Variants in NDUFAF6 observed in about 807,000 individuals in gnomAD.
NDUFAF6 encodes the protein NADH:ubiquinone oxidoreductase complex assembly factor 6, also known as NADH dehydrogenase (ubiquinone) complex I, assembly factor 6.
Under a neutral mutation model 40.8 loss-of-function variants are expected in NDUFAF6, and 45 were observed. That is an observed-to-expected ratio of 1.10 (90% CI 0.87 to 1.42). The LOEUF (loss-of-function observed/expected upper bound fraction) is 1.42. Among genes scored for constraint, NDUFAF6 ranks in the 40% most tolerant of loss-of-function variants. The pLI is 0.00. For missense variants in NDUFAF6, 435 were observed against 418.5 expected (o/e 1.04, Z -0.34); for synonymous variants, 185 against 155.9 (o/e 1.19, Z -1.39).
At chr8:95,007,413 C>T (rs1025200977) in intron 2 of NDUFAF6, among the ~76,000 whole-genome samples, 1 of 151,996 alleles carries the variant, frequency 6.6e-6, no homozygotes, top group African/African-American at 2.4e-5. Context: ...CCCATAATCC[C>T]AATACTTTGG....
At chr8:94,948,300 C>T (rs1455646642) in intron 2 of NDUFAF6, among the ~76,000 whole-genome samples, 2 of 152,092 alleles carry the variant, frequency 1.3e-5, no homozygotes, top group Non-Finnish European at 2.9e-5. Context: ...CTCGGGTTTC[C>T]TATGTGTAAG....
At chr8:94,993,537 G>T (rs1467724801) in intron 2 of NDUFAF6, among the ~76,000 whole-genome samples, 3 of 152,180 alleles carry the variant, frequency 2.0e-5, no homozygotes, top group African/African-American at 7.2e-5. Flanking sequence ...TTGGAACACT[G>T]CCCTGAGACC....
intron 7 of NDUFAF6, among the ~76,000 whole-genome samples, chr8:95,051,502 T>C (rs2678821): frequency 0.92 from 139,814 of 152,202 alleles, 64,374 homozygotes; most frequent in East Asian, 1. Context: ...GTAGAGGGCT[T>C]TTCCTGGTGT....
chr8:94,906,563 G>C lies in NDUFAF6; in HGVS notation c.-936+10636G>C, dbSNP rs533386396. Among the ~76,000 whole-genome samples the C allele has an allele frequency of 3.9e-5, 6 of 152,144 alleles. No individual in the cohort carries two copies. In the South Asian group the frequency reaches 6.2e-4, roughly 16 times the overall value. On this transcript the variant is annotated intron_variant, in intron 1 of 14. Coordinates refer to the NDUFAF6 transcript ENST00000396113. ...GCAGGGCCAAAGTCCTTCCCTCCAC[G>C]TGAGCTAGCCAAGAAGCCTGCCTCT...
chr8:94,973,336 T>C (rs1364387355), intron 1 of NDUFAF6, among the ~76,000 whole-genome samples: 1 of 151,818 alleles, frequency 6.6e-6, no homozygotes, highest in Non-Finnish European at 1.5e-5. Flanking sequence ...TAAAATAAAA[T>C]GAAAGAGACA....
chr8:95,084,012 G>T (rs1808961910), intron 2 of NDUFAF6, among the ~76,000 whole-genome samples: 1 of 152,102 alleles, frequency 6.6e-6, no homozygotes, highest in Non-Finnish European at 1.5e-5. Flanking sequence ...GAAAAAAAAT[G>T]TGTCACATTT....
chr8:95,045,472 G>T, intron 4 of NDUFAF6, 73 bp from the exon 5 acceptor site: 1 of 1,018,804 alleles, frequency 9.8e-7, no homozygotes, highest in Non-Finnish European at 1.6e-6. Context: ...GTTCTTTGGG[G>T]CAAAAAACAG....
Position 94,979,886 on chromosome 8 carries a change from G to A in NDUFAF6, c.-198-973G>A, listed in dbSNP as rs560652569. Among the ~76,000 whole-genome samples, 13 of 152,308 alleles carry A rather than the reference G, an allele frequency of 8.5e-5. 1 individual carries two copies. The highest frequency in any genetic ancestry group is 5.9e-4 in the Admixed American group (9 of 15,298). On this transcript the variant is annotated intron_variant, in intron 1 of 9. Transcript: ENST00000396111. ...GAGGCAGGTGGATCACTTGAGGCCA[G>A]TAGTTCAAGACCAGCTTGGCCAACA... is the stretch of plus-strand genomic sequence containing the variant.
intron 9 of NDUFAF6, chr8:95,071,791 G>A (rs148593651): frequency 6.5e-6 from 1 of 152,712 alleles, no homozygotes; most frequent in Non-Finnish European, 1.5e-5. Context: ...TGAGGGCAGC[G>A]GGCAAAAGTC....
chr8:95,022,012 C>T (rs906375908), upstream of NDUFAF6, among the ~76,000 whole-genome samples: 1 of 152,088 alleles, frequency 6.6e-6, no homozygotes, highest in Admixed American at 6.6e-5. Flanking sequence ...AGAAGGGTTG[C>T]ATAAGTATAG....
At chr8:95,043,036 G>C (rs1248944171) in intron 4 of NDUFAF6, among the ~76,000 whole-genome samples, 1 of 151,652 alleles carries the variant, frequency 6.6e-6, no homozygotes, top group African/African-American at 2.4e-5. Flanking sequence ...AAACTCTTAG[G>C]GGAAAGCATA....
At chr8:95,096,358 G>A, upstream of NDUFAF6, among the ~76,000 whole-genome samples, 1 of 152,116 alleles carries the variant, frequency 6.6e-6, no homozygotes, top group Middle Eastern at 3.2e-3. Flanking sequence ...CCGCCTCCCT[G>A]CAACATCACC....
chr8:95,099,058 T>A (rs1427061366), upstream of NDUFAF6, among the ~76,000 whole-genome samples: 1 of 151,182 alleles, frequency 6.6e-6, no homozygotes, highest in Non-Finnish European at 1.5e-5. Context: ...CTGGCCAACA[T>A]AGTGAAACCC....
At chr8:95,067,028 T>C (rs1189769645) in intron 9 of NDUFAF6, 1 of 152,244 alleles carries the variant, frequency 6.6e-6, no homozygotes, top group African/African-American at 2.4e-5. Flanking sequence ...CAAAGAAATT[T>C]TCAAGTCTCA....
At position 95,016,467 on chromosome 8, in the gene NDUFAF6, G is replaced by A. The variant is rs536831490; in HGVS notation, c.-83-15528G>A. 9.2e-5 allele frequency among the ~76,000 whole-genome samples: 14 copies of A among 152,310 alleles called. No individual in the cohort carries two copies. In the South Asian group the frequency reaches 2.3e-3, roughly 25 times the overall value. On this transcript the variant is annotated intron_variant, in intron 2 of 9. Coordinates refer to the NDUFAF6 transcript ENST00000396111. Reference sequence around the variant, plus strand: ...GCAGTTAAAACGTGAACATCTGGCCGAGCGTGGTGGCTCACGCCTGTAATC... The same window carrying A: ...GCAGTTAAAACGTGAACATCTGGCCAAGCGTGGTGGCTCACGCCTGTAATC...
intron 1 of NDUFAF6, among the ~76,000 whole-genome samples, chr8:94,980,294 A>T (rs2131576642): frequency 6.6e-6 from 1 of 151,472 alleles, no homozygotes; most frequent in Admixed American, 6.6e-5. Context: ...AAATGAGTTT[A>T]GTCAACTGCA....
At chr8:94,914,827 C>CA (rs530780157) in intron 1 of NDUFAF6, among the ~76,000 whole-genome samples, 7,849 of 128,492 alleles carry the variant, frequency 0.061, 260 homozygotes, top group Middle Eastern at 0.082. Flanking sequence ...GGAGGCGTCT[C>CA]AAAAAAAAAA....
At chr8:95,113,307 C>G (rs139222501) in intron 4 of NDUFAF6, among the ~76,000 whole-genome samples, 1 of 152,176 alleles carries the variant, frequency 6.6e-6, no homozygotes, top group Admixed American at 6.5e-5. Flanking sequence ...TTACTTCAGA[C>G]AAATGGTGCC....
At chr8:94,963,176 G>A (rs934857141) in intron 1 of NDUFAF6, among the ~76,000 whole-genome samples, 18 of 152,154 alleles carry the variant, frequency 1.2e-4, no homozygotes. Flanking sequence ...GCAGCCAAAG[G>A]CATGTCTTAT....
Sources: allele counts gnomAD v4.1 joint callset (sites outside exome capture counted in the v4.1 genomes callset), GRCh38; gene constraint gnomAD v4.1.1; transcripts MANE v1.5; gene names NCBI Gene and HGNC (gene_info 2026-07-23, HGNC 2026-07-21).